VWA8: variants seen among roughly 807,000 people sequenced by gnomAD.
VWA8 encodes the protein von Willebrand factor A domain containing 8.
VWA8 carries 221 observed loss-of-function variants against 241.5 expected under a neutral mutation model. The observed-to-expected ratio is 0.91, with a 90% CI of 0.82 to 1.02. The LOEUF (loss-of-function observed/expected upper bound fraction) is 1.02, where lower values mean the gene tolerates loss of function less well. Among genes scored for constraint, VWA8 ranks in the 50% least tolerant of loss-of-function variants. VWA8 has a pLI of 0.00. For synonymous variants in VWA8, 852 were observed against 827.1 expected, an observed-to-expected ratio of 1.03 and a Z score of -0.52; for missense variants, 2,322 against 2,328.7, an observed-to-expected ratio of 1.00 and a Z score of 0.06.
At position 41,729,451 on chromosome 13, in the gene VWA8, T is replaced by C. The variant is rs2045463317; in HGVS notation, c.2638+91A>G. 6.2e-6 allele frequency: 8 copies of C among 1,289,982 alleles called. No individual in the cohort carries two copies. The South Asian group carries it at 1.4e-4, about 23-fold the overall frequency. 79.9% of individuals were successfully genotyped at this position (1,289,982 alleles called of 1,614,324 possible). A position where few individuals can be genotyped will look rare whatever the true frequency, so the allele number is the denominator to read the frequency against. ...GTCATATTGAACTTATGCTTATTAT[T>C]GTAAATAAGTAGGCAGCTAAGTTTG... is the stretch of plus-strand genomic sequence containing the variant. On this transcript the variant is annotated intron_variant, in intron 23 of 44. Coordinates refer to ENST00000379310, the MANE Select transcript of VWA8 (RefSeq NM_015058.2).
At chr13:41,627,137 C>T (rs9594593) in intron 37 of VWA8, among the ~76,000 whole-genome samples, 5,019 of 152,050 alleles carry the variant, frequency 0.033, 274 homozygotes, top group African/African-American at 0.11. Flanking sequence ...AAGATGTACA[C>T]GTGGCCAAAA....
intron 37 of VWA8, among the ~76,000 whole-genome samples, chr13:41,667,718 A>G (rs1174615595): frequency 6.6e-6 from 1 of 152,160 alleles, no homozygotes; most frequent in Non-Finnish European, 1.5e-5. Context: ...GACAAATGTA[A>G]CTAAGTATGA....
At chr13:41,577,593 G>A (rs566709730) in intron 42 of VWA8, among the ~76,000 whole-genome samples, 6 of 152,298 alleles carry the variant, frequency 3.9e-5, no homozygotes, top group African/African-American at 1.2e-4. Flanking sequence ...GGGAGGCCCC[G>A]ACTGATTTGA....
chr13:41,783,742 T>C, intron 19 of VWA8, 53 bp downstream of exon 19: 2 of 1,227,346 alleles, frequency 1.6e-6, no homozygotes, highest in Non-Finnish European at 2.3e-6. Flanking sequence ...TGAATTGGAG[T>C]GTACTACCAC....
At chr13:41,757,468 G>A (rs955915010) in intron 21 of VWA8, among the ~76,000 whole-genome samples, 1 of 151,486 alleles carries the variant, frequency 6.6e-6, no homozygotes, top group Admixed American at 6.6e-5. Flanking sequence ...TAGATTTAGG[G>A]GGTACATGTG....
intron 37 of VWA8, among the ~76,000 whole-genome samples, chr13:41,626,465 A>G (rs897233994): frequency 2.0e-5 from 3 of 152,136 alleles, no homozygotes; most frequent in African/African-American, 7.2e-5. Context: ...AGCCAAAACA[A>G]TCCTAAGCAA....
In VWA8 at chr13:41,719,602, C is replaced by G. The variant is rs773443355; in HGVS notation, c.3105G>C (p.Gln1035His). Residue 1035 changes from glutamine to histidine, a missense_variant, in exon 26 of 45, where the codon CAG (glutamine) becomes CAC (histidine). Coordinates refer to ENST00000379310, the MANE Select transcript of VWA8 (RefSeq NM_015058.2). ...IPIGAKPTSV[Q>H]LAKELTLPEQ... is the part of the protein sequence containing the mutation. ...TGAATTTGCCTTACTCCTTTGCCAG[C>G]TGCACACTGGTAGGCTTTGCTCCGA... 3.0e-5 allele frequency: 48 copies of G among 1,612,864 alleles called. 1 individual carries two copies. Among genetic ancestry groups the G allele is most frequent in the African/African-American group, 2.9e-4 (22 of 74,866 alleles).
chr13:41,614,165 A>G (rs1027875478), intron 38 of VWA8, among the ~76,000 whole-genome samples: 1 of 152,254 alleles, frequency 6.6e-6, no homozygotes, highest in Non-Finnish European at 1.5e-5. Flanking sequence ...GTAGGCAAGA[A>G]GTCCACAGGC....
At chr13:41,875,089 G>T (rs574131547) in intron 9 of VWA8, among the ~76,000 whole-genome samples, 1 of 152,182 alleles carries the variant, frequency 6.6e-6, no homozygotes, top group African/African-American at 2.4e-5. Flanking sequence ...TTTGTTAAAT[G>T]AACAAACAAA....
At chr13:41,725,514 A>C (rs1257369798) in intron 24 of VWA8, among the ~76,000 whole-genome samples, 3 of 152,182 alleles carry the variant, frequency 2.0e-5, no homozygotes, top group Non-Finnish European at 4.4e-5. Context: ...AGAGAGTGGG[A>C]AGGGTCACAT....
At chr13:41,920,041 C>T (rs1471805400) in intron 2 of VWA8, among the ~76,000 whole-genome samples, 1 of 152,184 alleles carries the variant, frequency 6.6e-6, no homozygotes, top group Non-Finnish European at 1.5e-5. Context: ...TAGACTGAGG[C>T]TGTACTGCTC....
At chr13:41,929,708 G>T (rs1198040542) in intron 2 of VWA8, among the ~76,000 whole-genome samples, 1 of 152,008 alleles carries the variant, frequency 6.6e-6, no homozygotes, top group Non-Finnish European at 1.5e-5. Context: ...GATTTCCACA[G>T]GCAAAAGAAT....
intron 21 of VWA8, among the ~76,000 whole-genome samples, chr13:41,743,284 T>G (rs2045581718): frequency 1.3e-5 from 2 of 152,212 alleles, no homozygotes. Context: ...AGGAGGCTAC[T>G]GCAATAGTTC....
intron 41 of VWA8, 149 bp downstream of exon 41, chr13:41,590,491 T>A (rs1193835478): frequency 1.6e-5 from 15 of 939,488 alleles, no homozygotes; most frequent in Middle Eastern, 2.7e-4. Context: ...TTTTTCTTCT[T>A]CTTCTTCTTT....
chr13:41,782,551 TAATGCTCCAG>T (rs1442489677), intron 19 of VWA8, among the ~76,000 whole-genome samples: 1 of 152,138 alleles, frequency 6.6e-6, no homozygotes, highest in African/African-American at 2.4e-5. Context: ...GCAAGAGCAT[TAATGCTCCAG>T]AAGAAAAATA....
At chr13:41,693,012 C>CTTTTTTT in intron 29 of VWA8, 40 bp from the exon 30 acceptor site, 2 of 1,084,286 alleles carry the variant, frequency 1.8e-6, no homozygotes, top group Non-Finnish European at 2.5e-6. Flanking sequence ...AAGATTTGTT[C>CTTTTTTT]TTTTTTTTTT....
At chr13:41,598,027 A>G (rs1379575020) in intron 40 of VWA8, among the ~76,000 whole-genome samples, 1 of 152,082 alleles carries the variant, frequency 6.6e-6, no homozygotes, top group Non-Finnish European at 1.5e-5. Flanking sequence ...TTCAGTTTTA[A>G]ACAGTTTTCC....
At chr13:41,960,696 G>A (rs1878570081) in intron 1 of VWA8, among the ~76,000 whole-genome samples, 157 bp downstream of exon 1, 1 of 152,178 alleles carries the variant, frequency 6.6e-6, no homozygotes, top group Non-Finnish European at 1.5e-5. Flanking sequence ...AGCAGTTAGC[G>A]CCGAGGTCGG....
At chr13:41,738,830 A>G (rs372845674) in intron 21 of VWA8, among the ~76,000 whole-genome samples, 2 of 152,338 alleles carry the variant, frequency 1.3e-5, no homozygotes, top group Admixed American at 6.5e-5. Flanking sequence ...AGAATGAAAT[A>G]AGGATAAAAA....
Sources: gnomAD v4.1 joint callset for allele counts (sites outside exome capture counted in the v4.1 genomes callset) on GRCh38, gnomAD v4.1.1 for gene constraint, MANE v1.5 for transcripts, NCBI Gene and HGNC (gene_info 2026-07-23, HGNC 2026-07-21) for gene names.